CDK12: variants seen among roughly 807,000 people sequenced by gnomAD.
CDK12 encodes the protein cyclin-dependent kinase 12.
CDK12 carries 17 observed loss-of-function variants against 133.8 expected under a neutral mutation model. The ratio of observed to expected loss-of-function variants is 0.13; its 90% CI spans 0.09 to 0.19. CDK12 has a LOEUF of 0.19. Among genes scored for constraint, CDK12 ranks in the 10% least tolerant of loss-of-function variants. The pLI is 1.00. For missense variants in CDK12, 1,508 were observed against 1,818.7 expected (o/e 0.83, Z 3.11); for synonymous variants, 694 against 683.6 (o/e 1.02, Z -0.24).
intron 2 of CDK12, among the ~76,000 whole-genome samples, chr17:39,485,402 C>T (rs1251775317): frequency 7.5e-6 from 1 of 133,620 alleles, no homozygotes; most frequent in Non-Finnish European, 1.5e-5. Flanking sequence ...CTTAGGCATC[C>T]CCCCCCTTTT....
intron 6 of CDK12, among the ~76,000 whole-genome samples, chr17:39,507,402 C>T (rs1029633875): frequency 4.6e-5 from 7 of 151,080 alleles, no homozygotes; most frequent in African/African-American, 1.7e-4. Flanking sequence ...GCCTGACCAA[C>T]ATGGAGAAAC....
chr17:39,536,461 G>T (rs535224990), downstream of CDK12, among the ~76,000 whole-genome samples: 6 of 152,222 alleles, frequency 3.9e-5, no homozygotes, highest in East Asian at 7.7e-4. Context: ...GGGTACAAAA[G>T]ATTATTTTGT....
intron 6 of CDK12, among the ~76,000 whole-genome samples, chr17:39,509,239 G>C (rs1044599451): frequency 6.6e-6 from 1 of 152,066 alleles, no homozygotes; most frequent in African/African-American, 2.4e-5. Context: ...GAGTGCAGTG[G>C]CCTCCCAAAA....
At position 39,533,785 on chromosome 17, in the gene CDK12, A is replaced by G. The variant is rs951280000; in HGVS notation, c.*2469A>G. On this transcript the variant is annotated 3_prime_UTR_variant, in exon 14 of 14. Coordinates refer to ENST00000447079, the MANE Select transcript of CDK12 (RefSeq NM_016507.4). ...AAGTTTGGTAGTTTTGACTATTTCT[A>G]AAAGCAGAGGAGAAAAAAAAACTTA... 20 of 232,594 alleles carry G rather than the reference A, an allele frequency of 8.6e-5. No individual in the cohort carries two copies. Among genetic ancestry groups the G allele is most frequent in the Admixed American group, 7.9e-4 (14 of 17,764 alleles). The allele number at this position is 232,594 out of a possible 1,614,324, so 14.4% of individuals were successfully genotyped here.
chr17:39,536,395 A>C (rs748726125), downstream of CDK12, among the ~76,000 whole-genome samples: 4 of 152,190 alleles, frequency 2.6e-5, no homozygotes, highest in Non-Finnish European at 4.4e-5. Context: ...AAGTAAACTA[A>C]CCATACTTTC....
At chr17:39,558,048 A>G (rs775001001) in intron 3 of CDK12, among the ~76,000 whole-genome samples, 16 of 152,252 alleles carry the variant, frequency 1.1e-4, no homozygotes, top group Non-Finnish European at 2.1e-4. Context: ...GGCTGGTGCA[A>G]GAGTACTACT....
intron 1 of CDK12, among the ~76,000 whole-genome samples, chr17:39,469,314 C>T (rs1274592085): frequency 6.6e-6 from 1 of 152,116 alleles, no homozygotes; most frequent in Non-Finnish European, 1.5e-5. Context: ...TTAGGAGTTT[C>T]TAAAAAGTCT....
At chr17:39,487,751 C>T (rs1227552513) in intron 2 of CDK12, among the ~76,000 whole-genome samples, 1 of 151,644 alleles carries the variant, frequency 6.6e-6, no homozygotes, top group Admixed American at 6.6e-5. Context: ...GCTGGAACTA[C>T]AGGCACATGC....
At position 39,462,076 on chromosome 17, in the gene CDK12, C is replaced by T. The variant is rs2144845113; in HGVS notation, c.5C>T (p.Pro2Leu). 1 of 1,613,570 alleles carries T rather than the reference C, an allele frequency of 6.2e-7. No individual in the cohort carries two copies. The highest frequency in any genetic ancestry group is 8.5e-7 in the Non-Finnish European group (1 of 1,179,682). Residue 2 changes from proline (P) to leucine (L), a missense_variant, in exon 1 of 14, where the codon CCC becomes CTC. Transcript: ENST00000447079. M[P>L]NSERHGGKKD... ...CTTCAGGTCAGGGGAAAGGGAATGC[C>T]CAATTCAGAGAGACATGGGGGCAAG...
chr17:39,540,836 G>A (rs916601312), intron 1 of CDK12, among the ~76,000 whole-genome samples: 7 of 152,186 alleles, frequency 4.6e-5, no homozygotes, highest in African/African-American at 1.4e-4. Context: ...CTGAAACGGG[G>A]CCTCAGCCAA....
At chr17:39,486,253 CTTTT>C (rs35710234) in intron 2 of CDK12, among the ~76,000 whole-genome samples, 4 of 86,532 alleles carry the variant, frequency 4.6e-5, no homozygotes, top group East Asian at 3.4e-4. Context: ...CACCCTGCCT[CTTTT>C]TTTTTTTTTT....
intron 2 of CDK12, among the ~76,000 whole-genome samples, chr17:39,481,641 T>TCTCTCTCTCTCTCG (rs2050680676): frequency 1.5e-4 from 1 of 6,742 alleles, no homozygotes; most frequent in African/African-American, 3.9e-4. Flanking sequence ...GCGCTCTCTC[T>TCTCTCTCTCTCTCG]CTCTCTCTCT....
chr17:39,465,571 C>A (rs976658428), intron 1 of CDK12, among the ~76,000 whole-genome samples: 1 of 151,940 alleles, frequency 6.6e-6, no homozygotes, highest in African/African-American at 2.4e-5. Context: ...ACTGCAACCT[C>A]TGCCTCTCGG....
intron 1 of CDK12, among the ~76,000 whole-genome samples, chr17:39,466,666 C>T (rs1291558257): frequency 9.0e-6 from 1 of 110,618 alleles, no homozygotes; most frequent in South Asian, 3.3e-4. Context: ...GCAGATGAAT[C>T]TCTACTCACA....
chr17:39,563,877 T>G (rs2056480539), intron 3 of CDK12, among the ~76,000 whole-genome samples: 1 of 152,104 alleles, frequency 6.6e-6, no homozygotes, highest in East Asian at 1.9e-4. Context: ...GAAAAACAGA[T>G]TATGCCCCTC....
Position 39,462,999 on chromosome 17 carries a change from T to C in CDK12, c.928T>C (p.Ser310Pro), listed in dbSNP as rs772083218. The C allele has an allele frequency of 2.5e-6, 4 of 1,614,028 alleles. No individual in the cohort carries two copies. The highest frequency in any genetic ancestry group is 3.4e-6 in the Non-Finnish European group (4 of 1,179,990). Residue 310 changes from serine to proline, a missense_variant, in exon 1 of 14, where the codon TCG (serine) becomes CCG (proline). Around this residue, in one of 9 missense-constraint regions of CDK12, gnomAD observed 460 missense variants for 490.8 expected, o/e 0.94. Coordinates refer to ENST00000447079, the MANE Select transcript of CDK12 (RefSeq NM_016507.4). ...TGTCAGTCCCTATAGCAGGAGACGGTCGTCCAGCTACGAAAGAAGTGGCTC... is the reference window on the plus strand; with the variant it reads ...TGTCAGTCCCTATAGCAGGAGACGGCCGTCCAGCTACGAAAGAAGTGGCTC... ...RSVSPYSRRR[S>P]SSYERSGSYS...
At chr17:39,472,631 A>G (rs1030224587) in intron 2 of CDK12, among the ~76,000 whole-genome samples, 50 of 151,836 alleles carry the variant, frequency 3.3e-4, no homozygotes, top group Middle Eastern at 3.4e-3. Context: ...CCAAGATTGC[A>G]TATTGCCGTA....
At chr17:39,494,821 C>G in intron 5 of CDK12, 127 bp downstream of exon 5, 6 of 675,982 alleles carry the variant, frequency 8.9e-6, no homozygotes, top group Non-Finnish European at 1.4e-5. Context: ...CCAGGCTGAA[C>G]TGCAGTGGTG....
At chr17:39,562,828 G>A (rs2056419820) in intron 3 of CDK12, among the ~76,000 whole-genome samples, 2 of 147,938 alleles carry the variant, frequency 1.4e-5, no homozygotes, top group Non-Finnish European at 3.0e-5. Flanking sequence ...CAACTTCAAC[G>A]CATTTTCCTC....
Sources: allele counts gnomAD v4.1 joint callset (sites outside exome capture counted in the v4.1 genomes callset), GRCh38; gene constraint gnomAD v4.1.1; regional missense constraint gnomAD v4.1.1; transcripts MANE v1.5; gene names NCBI Gene and HGNC (gene_info 2026-07-23, HGNC 2026-07-21).